Variants in RUFY3 observed in about 807,000 individuals in gnomAD.
RUFY3 encodes RUN and FYVE domain containing 3, also known as protein RUFY3.
In RUFY3, 34 loss-of-function variants were observed where a neutral mutation model predicts 84.0. The observed-to-expected ratio is 0.40, with a 90% confidence interval of 0.31 to 0.54. RUFY3 has a LOEUF of 0.54. RUFY3 is among the 20% of genes least tolerant of loss of function. The pLI is 0.39. For synonymous variants in RUFY3, 242 were observed against 252.9 expected, an observed-to-expected ratio of 0.96 and a Z score of 0.41; for missense variants, 507 against 736.8, an observed-to-expected ratio of 0.69 and a Z score of 3.61.
chr4:70,705,091 C>A lies in RUFY3; in HGVS notation c.155C>A (p.Ala52Asp), dbSNP rs770623744. The A allele has an allele frequency of 1.3e-3, 1,729 of 1,343,816 alleles. 4 individuals carry two copies. The highest frequency in any genetic ancestry group is 4.1e-3 in the Middle Eastern group (15 of 3,634). The allele number at this position is 1,343,816 out of a possible 1,614,324, so 83.2% of individuals were successfully genotyped here. A position where few individuals can be genotyped will look rare whatever the true frequency, so the allele number is the denominator to read the frequency against. The change falls in exon 1 of 12, where the codon GCC (alanine) becomes GAC (aspartate). Residue 52 changes from alanine (A) to aspartate (D), a missense_variant. Ala to Asp is a moderately radical substitution (Grantham distance 126). Transcript: ENST00000417478. ...GCGGGGCCGCCGCCGGCCTCCCCCGCCGGGCAGTCGGAGCCCGACTCGCCG... is the reference window on the plus strand; with the variant it reads ...GCGGGGCCGCCGCCGGCCTCCCCCGACGGGCAGTCGGAGCCCGACTCGCCG...
chr4:70,731,752 C>T (rs1719311207), intron 1 of RUFY3, among the ~76,000 whole-genome samples: 1 of 152,028 alleles, frequency 6.6e-6, no homozygotes, highest in South Asian at 2.1e-4. Flanking sequence ...ATTTTTAGTG[C>T]AGACAGGGTT....
At chr4:70,717,873 A>AT (rs1165078654), upstream of RUFY3, among the ~76,000 whole-genome samples, 1,374 of 82,394 alleles carry the variant, frequency 0.017, 133 homozygotes, top group African/African-American at 0.026. Flanking sequence ...TTGACATGGT[A>AT]TTTTTTTTTT....
chr4:70,765,930 T>C (rs541548376), intron 4 of RUFY3, among the ~76,000 whole-genome samples: 1 of 151,868 alleles, frequency 6.6e-6, no homozygotes, highest in African/African-American at 2.4e-5. Context: ...ACCCAGCTAA[T>C]TTTTGTATTT....
At chr4:70,791,617 A>G (rs1031830646) in intron 12 of RUFY3, 14 of 1,118,500 alleles carry the variant, frequency 1.3e-5, no homozygotes, top group African/African-American at 5.0e-5. Flanking sequence ...AGCTCTGTAC[A>G]TATACTAATG....
intron 15 of RUFY3, 136 bp from the exon 16 acceptor site, chr4:70,802,820 G>T: frequency 1.7e-6 from 1 of 591,190 alleles, no homozygotes; most frequent in Non-Finnish European, 2.9e-6. Flanking sequence ...TAATTATGTT[G>T]TTCTAAGTAA....
chr4:70,766,370 G>A lies in RUFY3; in HGVS notation c.572+1794G>A, dbSNP rs372267893. Reference sequence around the variant, plus strand: ...ATCGATTCTCCTGCCTCAGCCTCCCGAGTAGATGGGACTATAGGCATGCAC... The same window carrying A: ...ATCGATTCTCCTGCCTCAGCCTCCCAAGTAGATGGGACTATAGGCATGCAC... On this transcript the variant is annotated intron_variant, in intron 4 of 17. Transcript: ENST00000381006. 3.2e-4 allele frequency among the ~76,000 whole-genome samples: 49 copies of A among 151,774 alleles called. 1 individual carries two copies. The South Asian group carries it at 7.3e-3, about 23-fold the overall frequency.
chr4:70,794,579 CA>C, intron 13 of RUFY3: 12 of 509,444 alleles, frequency 2.4e-5, no homozygotes, highest in Admixed American at 4.0e-5. Context: ...GACTCCATCT[CA>C]AAAAAAGGTA....
At chr4:70,774,263 G>A (rs1727460138) in intron 6 of RUFY3, among the ~76,000 whole-genome samples, 2 of 152,072 alleles carry the variant, frequency 1.3e-5, no homozygotes, top group Admixed American at 1.3e-4. Flanking sequence ...CTACAGATTA[G>A]TTGGTTGTAG....
chr4:70,787,187 A>AAAAATAT (rs1553920475), intron 10 of RUFY3, among the ~76,000 whole-genome samples: 1 of 81,476 alleles, frequency 1.2e-5, no homozygotes, highest in African/African-American at 5.2e-5. Flanking sequence ...AAAAAAAAAA[A>AAAAATAT]ATATATATAT....
intron 1 of RUFY3, among the ~76,000 whole-genome samples, chr4:70,733,095 G>GGA (rs1203024723): frequency 0.073 from 4,508 of 61,408 alleles, 337 homozygotes; most frequent in Non-Finnish European, 0.11. Flanking sequence ...GAGAGAGAGA[G>GGA]GAGAGAGAGA....
intron 1 of RUFY3, among the ~76,000 whole-genome samples, chr4:70,715,309 C>T (rs879454029): frequency 8.6e-5 from 13 of 152,016 alleles, no homozygotes; most frequent in Admixed American, 1.3e-4. Flanking sequence ...TGGCTGGATG[C>T]GGTGGCTCAT....
In RUFY3 at chr4:70,774,202, G is replaced by T. The variant is rs374333777; in HGVS notation, c.758+630G>T. On this transcript the variant is annotated intron_variant, in intron 6 of 17. Coordinates refer to ENST00000381006, the MANE Select transcript of RUFY3 (RefSeq NM_001037442.4). ...CTTTTAGTAATTGTATAGGTTTGGG[G>T]CCTTAATTTTATCTTACAGCTGAAA... 1.4e-4 allele frequency among the ~76,000 whole-genome samples: 21 copies of T among 152,084 alleles called. No individual in the cohort carries two copies. In the East Asian group the frequency reaches 3.5e-3, roughly 25 times the overall value.
chr4:70,775,650 A>G (rs1727808957), intron 7 of RUFY3, among the ~76,000 whole-genome samples: 1 of 152,146 alleles, frequency 6.6e-6, no homozygotes, highest in Non-Finnish European at 1.5e-5. Flanking sequence ...AGTACCTTTA[A>G]ATTAATCATA....
At chr4:70,707,807 C>G (rs1740512069) in intron 1 of RUFY3, among the ~76,000 whole-genome samples, 1 of 151,968 alleles carries the variant, frequency 6.6e-6, no homozygotes, top group South Asian at 2.1e-4. Context: ...TTACCTGTTA[C>G]ATTTATATGT....
intron 1 of RUFY3, among the ~76,000 whole-genome samples, chr4:70,746,268 C>T (rs549823973): frequency 5.5e-4 from 83 of 150,634 alleles, no homozygotes; most frequent in African/African-American, 1.7e-3. Context: ...CGCTTGAGCC[C>T]GGGAGGCGGA....
Position 70,726,234 on chromosome 4 carries a change from C to A in RUFY3, c.178+3483C>A, listed in dbSNP as rs367868563. The stretch of plus-strand genomic sequence containing the variant: ...GCTGGAGAATGAACATAAGGCAGTG[C>A]CTGGGATGACTCTCCAACTTCTGGC... On this transcript the variant is annotated intron_variant, in intron 1 of 17. Transcript: ENST00000381006. Among the ~76,000 whole-genome samples the A allele has an allele frequency of 1.7e-3, 256 of 152,272 alleles. 7 individuals carry two copies. The highest frequency in any genetic ancestry group is 0.012 in the Admixed American group (176 of 15,300).
At chr4:70,711,492 A>G (rs1010098456) in intron 1 of RUFY3, among the ~76,000 whole-genome samples, 1 of 152,222 alleles carries the variant, frequency 6.6e-6, no homozygotes, top group African/African-American at 2.4e-5. Context: ...CGGTATTTTC[A>G]ATGTAGATCA....
intron 1 of RUFY3, among the ~76,000 whole-genome samples, chr4:70,729,313 A>G (rs1251520110): frequency 6.6e-6 from 1 of 152,054 alleles, no homozygotes; most frequent in Non-Finnish European, 1.5e-5. Flanking sequence ...CTGGAGTGCA[A>G]TGGCACGATC....
At chr4:70,722,878 A>T (rs1717595101) in intron 1 of RUFY3, 127 bp downstream of exon 1, 2 of 828,556 alleles carry the variant, frequency 2.4e-6, no homozygotes, top group South Asian at 5.4e-5. Context: ...AAAACCTTGC[A>T]TCCTTACTTA....
Sources: gnomAD v4.1 joint callset for allele counts (sites outside exome capture counted in the v4.1 genomes callset) on GRCh38, gnomAD v4.1.1 for gene constraint, MANE v1.5 for transcripts, NCBI Gene and HGNC (gene_info 2026-07-23, HGNC 2026-07-21) for gene names.